The following ADGRL2 variants were observed in gnomAD, a reference collection of about 807,000 sequenced individuals.
ADGRL2 encodes the protein calcium-independent alpha-latrotoxin receptor 2.
A neutral mutation model predicts 157.4 loss-of-function variants in ADGRL2; 44 were observed. The observed-to-expected ratio is 0.28, with a 90% CI of 0.22 to 0.36. The LOEUF is 0.36. Among genes scored for constraint, ADGRL2 ranks in the 10% least tolerant of loss-of-function variants. The pLI is 1.00. For missense variants in ADGRL2, 1,510 were observed against 1,768.9 expected, an observed-to-expected ratio of 0.85 and a Z score of 2.63; for synonymous variants, 585 against 624.7, an observed-to-expected ratio of 0.94 and a Z score of 0.95.
intron 3 of ADGRL2, among the ~76,000 whole-genome samples, chr1:81,614,542 A>G (rs946743673): frequency 3.9e-5 from 6 of 152,136 alleles, no homozygotes; most frequent in African/African-American, 7.2e-5. Context: ...TAAATCTGGA[A>G]ATGCATTAAG....
At chr1:81,353,304 T>C (rs931617195) in intron 1 of ADGRL2, among the ~76,000 whole-genome samples, 3 of 152,158 alleles carry the variant, frequency 2.0e-5, no homozygotes, top group African/African-American at 7.2e-5. Flanking sequence ...TCCATAAATA[T>C]TAGGGAGCCT....
intron 3 of ADGRL2, among the ~76,000 whole-genome samples, chr1:81,669,277 T>A (rs185522919): frequency 9.9e-5 from 15 of 152,196 alleles, no homozygotes; most frequent in Admixed American, 2.0e-4. Context: ...TAGCCGCCAC[T>A]GAGGCACACA....
chr1:81,767,869 GAAA>G (rs1225496041), intron 2 of ADGRL2, among the ~76,000 whole-genome samples: 2 of 112,310 alleles, frequency 1.8e-5, no homozygotes, highest in African/African-American at 6.5e-5. Context: ...AAAAAAAAAA[GAAA>G]AAAAAAAAAG....
intron 2 of ADGRL2, among the ~76,000 whole-genome samples, chr1:81,879,141 A>G (rs2093919461): frequency 6.6e-6 from 1 of 152,356 alleles, no homozygotes; most frequent in African/African-American, 2.4e-5. Flanking sequence ...TTATTTTAAT[A>G]CTAGGACCAG....
chr1:81,364,637 C>T (rs1217397581), intron 1 of ADGRL2, among the ~76,000 whole-genome samples: 1 of 151,848 alleles, frequency 6.6e-6, no homozygotes, highest in African/African-American at 2.4e-5. Context: ...TAATCAACCA[C>T]CAGAATTCTT....
chr1:81,754,867 T>A (rs2085630769), intron 1 of ADGRL2, among the ~76,000 whole-genome samples: 1 of 151,848 alleles, frequency 6.6e-6, no homozygotes, highest in East Asian at 1.9e-4. Context: ...CCCAAATTAT[T>A]ATGAGCATTT....
At chr1:81,736,726 A>C (rs924096244) in intron 1 of ADGRL2, among the ~76,000 whole-genome samples, 11 of 152,188 alleles carry the variant, frequency 7.2e-5, no homozygotes, top group African/African-American at 2.7e-4. Context: ...CACTGTGGAT[A>C]AGTAGATGAG....
chr1:81,916,493 T>C (rs1327210835), intron 3 of ADGRL2, among the ~76,000 whole-genome samples: 1 of 152,116 alleles, frequency 6.6e-6, no homozygotes, highest in African/African-American at 2.4e-5. Context: ...TTTTTTTTCT[T>C]TTTTTGACAC....
intron 1 of ADGRL2, among the ~76,000 whole-genome samples, chr1:81,834,870 A>G (rs2150156233): frequency 6.6e-6 from 1 of 152,250 alleles, no homozygotes; most frequent in Non-Finnish European, 1.5e-5. Flanking sequence ...ACATTCTCAA[A>G]CCTTCAGAAT....
At chr1:81,752,950 A>G (rs1182020650) in intron 1 of ADGRL2, among the ~76,000 whole-genome samples, 1 of 152,342 alleles carries the variant, frequency 6.6e-6, no homozygotes, top group African/African-American at 2.4e-5. Context: ...TTGCTATAAT[A>G]CAACTATTTT....
At chr1:81,613,738 G>T (rs74095779) in intron 3 of ADGRL2, among the ~76,000 whole-genome samples, 1,873 of 152,274 alleles carry the variant, frequency 0.012, 34 homozygotes, top group African/African-American at 0.042. Context: ...TGATCCAATG[G>T]TATAAAAATA....
chr1:81,320,686 T>A (rs1351642563), intron 1 of ADGRL2, among the ~76,000 whole-genome samples: 1 of 152,248 alleles, frequency 6.6e-6, no homozygotes, highest in Non-Finnish European at 1.5e-5. Flanking sequence ...GTCTTCATAA[T>A]GGGCTTAAAA....
At chr1:81,644,745 CA>C (rs1421362035) in intron 3 of ADGRL2, among the ~76,000 whole-genome samples, 3 of 152,156 alleles carry the variant, frequency 2.0e-5, no homozygotes, top group Non-Finnish European at 4.4e-5. Context: ...TCAGTTGTAA[CA>C]AATGTACCAC....
intron 1 of ADGRL2, among the ~76,000 whole-genome samples, chr1:81,378,356 G>A (rs145277236): frequency 3.5e-4 from 53 of 151,908 alleles, no homozygotes; most frequent in Admixed American, 3.9e-4. Flanking sequence ...TTCGAGACCA[G>A]CCTAGGCAAC....
At chr1:81,489,012 G>A (rs751703440) in intron 2 of ADGRL2, among the ~76,000 whole-genome samples, 1 of 152,040 alleles carries the variant, frequency 6.6e-6, no homozygotes, top group Non-Finnish European at 1.5e-5. Context: ...GAGGTGGGTT[G>A]AGATCACCTG....
At chr1:81,981,139 G>A (rs1661553363) in intron 18 of ADGRL2, 1 of 430,874 alleles carries the variant, frequency 2.3e-6, no homozygotes, top group African/African-American at 2.0e-5. Context: ...AAGATAATAA[G>A]CCATTTATCA....
chr1:81,823,001 G>A (rs574822153), intron 1 of ADGRL2, among the ~76,000 whole-genome samples: 2 of 152,090 alleles, frequency 1.3e-5, no homozygotes, highest in Non-Finnish European at 2.9e-5. Context: ...AGAAGAAGTA[G>A]TCATTTTTGT....
chr1:81,560,882 T>C (rs753754860), intron 2 of ADGRL2, among the ~76,000 whole-genome samples: 6 of 152,094 alleles, frequency 3.9e-5, no homozygotes, highest in Non-Finnish European at 7.4e-5. Flanking sequence ...CCCCCTTCAC[T>C]CCCCTTTTGC....
chr1:81,739,831 C>T (rs1353095270), intron 1 of ADGRL2, among the ~76,000 whole-genome samples: 1 of 152,154 alleles, frequency 6.6e-6, no homozygotes, highest in East Asian at 1.9e-4. Context: ...ATTAGGGGTG[C>T]CTTAGCATGC....
Sources: allele counts gnomAD v4.1 joint callset (sites outside exome capture counted in the v4.1 genomes callset), GRCh38; gene constraint gnomAD v4.1.1; transcripts MANE v1.5; gene names NCBI Gene and HGNC (gene_info 2026-07-23, HGNC 2026-07-21).